Variants in SHISA9 observed in about 807,000 individuals in gnomAD.
SHISA9 encodes shisa family member 9, also known as protein shisa-9.
A neutral mutation model predicts 38.0 loss-of-function variants in SHISA9; 13 were observed. The observed-to-expected ratio is 0.34, with a 90% CI of 0.22 to 0.54. The LOEUF is 0.54. SHISA9 is among the 20% of genes least tolerant of loss of function. The pLI, the probability that SHISA9 is intolerant of heterozygous loss-of-function variation, is 0.91. For synonymous variants in SHISA9, 275 were observed against 242.0 expected (o/e 1.14, Z -1.27); for missense variants, 538 against 575.8 (o/e 0.93, Z 0.67).
chr16:13,390,038 C>T, the SHISA9 span, among the ~76,000 whole-genome samples: 1 of 152,078 alleles, frequency 6.6e-6, no homozygotes, highest in Non-Finnish European at 1.5e-5. Flanking sequence ...AAATATACGA[C>T]TTGAAAAGAA....
At chr16:12,975,662 G>GGGGGGGGGGGGGGGGGGGGGGGGGC (rs1555451392) in intron 2 of SHISA9, among the ~76,000 whole-genome samples, 1 of 142,248 alleles carries the variant, frequency 7.0e-6, no homozygotes, top group African/African-American at 2.7e-5. Context: ...GGGGCGGGGG[G>GGGGGGGGGGGGGGGGGGGGGGGGGC]GGTAAGGGCA....
intron 2 of SHISA9, among the ~76,000 whole-genome samples, chr16:13,201,594 A>G (rs1182608745): frequency 7.5e-6 from 1 of 133,322 alleles, no homozygotes; most frequent in East Asian, 2.0e-4. Context: ...CTGATGGCCT[A>G]TGTAGTCTAA....
the SHISA9 span, among the ~76,000 whole-genome samples, chr16:13,290,949 A>G: frequency 9.2e-5 from 14 of 152,130 alleles, no homozygotes; most frequent in Admixed American, 8.5e-4. Context: ...TTCCCATTGT[A>G]TCATAGAGTT....
intron 2 of SHISA9, among the ~76,000 whole-genome samples, chr16:13,078,939 T>A (rs2073615582): frequency 6.6e-6 from 1 of 152,182 alleles, no homozygotes. Context: ...TGTCTGATGT[T>A]CTCTAGAAGA....
chr16:13,076,299 G>A (rs532501380), intron 2 of SHISA9, among the ~76,000 whole-genome samples: 3 of 152,230 alleles, frequency 2.0e-5, no homozygotes, highest in Non-Finnish European at 4.4e-5. Context: ...CCAAAATGCT[G>A]GGATTACAGG....
intron 1 of SHISA9, among the ~76,000 whole-genome samples, chr16:12,912,366 C>G (rs2071196386): frequency 6.6e-6 from 1 of 152,164 alleles, no homozygotes; most frequent in African/African-American, 2.4e-5. Flanking sequence ...GATGGCAGAA[C>G]CGACCAAGTT....
At chr16:12,938,388 A>G (rs2071561563) in intron 2 of SHISA9, among the ~76,000 whole-genome samples, 1 of 152,006 alleles carries the variant, frequency 6.6e-6, no homozygotes, top group Non-Finnish European at 1.5e-5. Flanking sequence ...CTTATAATCG[A>G]TCTATCTGTT....
the SHISA9 span, among the ~76,000 whole-genome samples, chr16:13,392,192 T>C: frequency 2.6e-5 from 4 of 152,194 alleles, no homozygotes; most frequent in Non-Finnish European, 5.9e-5. Flanking sequence ...ATTCTTATGT[T>C]GAAGTCTTAA....
intron 2 of SHISA9, among the ~76,000 whole-genome samples, chr16:13,096,734 A>G (rs569260291): frequency 6.6e-6 from 1 of 152,230 alleles, no homozygotes; most frequent in East Asian, 1.9e-4. Flanking sequence ...AGACTTTCTT[A>G]CTCGCTCAGT....
At chr16:13,257,744 AGAG>A in the SHISA9 span, among the ~76,000 whole-genome samples, 2 of 152,206 alleles carry the variant, frequency 1.3e-5, no homozygotes, top group African/African-American at 4.8e-5. Context: ...CATGACTTTT[AGAG>A]TGTGAAAGCT....
At position 12,963,202 on chromosome 16, in the gene SHISA9, T is replaced by A. The variant is rs567712073; in HGVS notation, c.691+46387T>A. Among the ~76,000 whole-genome samples the A allele has an allele frequency of 5.1e-4, 77 of 152,270 alleles. 1 individual carries two copies. The South Asian group carries it at 0.013, about 25-fold the overall frequency. On this transcript the variant is annotated intron_variant, in intron 2 of 4. Coordinates refer to ENST00000558583, the MANE Select transcript of SHISA9 (RefSeq NM_001145204.3). ...TTAGTTGTCAGCTGACAGTTTGTTG[T>A]GAGATAATGTGTGCCTGTTGTGATG...
At chr16:13,084,167 C>G (rs276641) in intron 2 of SHISA9, among the ~76,000 whole-genome samples, 1 of 152,120 alleles carries the variant, frequency 6.6e-6, no homozygotes, top group Non-Finnish European at 1.5e-5. Context: ...AAACAAGGAA[C>G]CTGAGGGCCA....
chr16:13,548,522 A>G, the SHISA9 span, among the ~76,000 whole-genome samples: 153 of 152,296 alleles, frequency 1.0e-3, no homozygotes, highest in Admixed American at 1.6e-3. Context: ...AAAGTAAGTA[A>G]GTATTCTAAT....
intron 2 of SHISA9, among the ~76,000 whole-genome samples, chr16:13,087,553 G>T (rs890508065): frequency 4.1e-4 from 63 of 152,252 alleles, no homozygotes; most frequent in African/African-American, 1.5e-3. Context: ...TTGTGGTTTT[G>T]ATTTGCATTT....
chr16:13,544,422 T>TTTC, the SHISA9 span, among the ~76,000 whole-genome samples: 7 of 119,626 alleles, frequency 5.9e-5, no homozygotes, highest in Admixed American at 1.8e-4. Flanking sequence ...GGGTTTTTTT[T>TTTC]TTTCTTGTTT....
chr16:12,971,468 G>A (rs999331518), intron 2 of SHISA9, among the ~76,000 whole-genome samples: 2 of 152,214 alleles, frequency 1.3e-5, no homozygotes, highest in African/African-American at 4.8e-5. Context: ...GTCTTCCCAC[G>A]AAGGATGAGT....
At chr16:13,404,275 G>A in the SHISA9 span, among the ~76,000 whole-genome samples, 1 of 152,160 alleles carries the variant, frequency 6.6e-6, no homozygotes, top group South Asian at 2.1e-4. Flanking sequence ...TTACAGTCTA[G>A]TTGAGGAGTT....
chr16:13,456,425 C>T, the SHISA9 span, among the ~76,000 whole-genome samples: 1 of 152,166 alleles, frequency 6.6e-6, no homozygotes, highest in Admixed American at 6.5e-5. Context: ...ATACCTAGTA[C>T]AATATTTTGG....
At chr16:13,297,267 T>C in the SHISA9 span, among the ~76,000 whole-genome samples, 1 of 152,230 alleles carries the variant, frequency 6.6e-6, no homozygotes, top group Non-Finnish European at 1.5e-5. Flanking sequence ...TTGTATTTCA[T>C]ATTATTACCT....
Sources: allele counts gnomAD v4.1 joint callset (sites outside exome capture counted in the v4.1 genomes callset), GRCh38; gene constraint gnomAD v4.1.1; transcripts MANE v1.5; gene names NCBI Gene and HGNC (gene_info 2026-07-23, HGNC 2026-07-21).